NKX2-5: variants seen among roughly 807,000 people sequenced by gnomAD.
NKX2-5 encodes the protein homeobox protein Nkx-2.5.
In NKX2-5, 3 loss-of-function variants were observed where a neutral mutation model predicts 24.5. The ratio of observed to expected loss-of-function variants is 0.12; its 90% CI spans 0.06 to 0.32. NKX2-5 has a LOEUF of 0.32. Among genes scored for constraint, NKX2-5 ranks in the 10% least tolerant of loss-of-function variants. The pLI is 1.00. For missense variants in NKX2-5, 429 were observed against 452.4 expected, an observed-to-expected ratio of 0.95 and a Z score of 0.47; for synonymous variants, 215 against 217.6, an observed-to-expected ratio of 0.99 and a Z score of 0.11.
At chr5:173,234,638 GC>G in intron 1 of NKX2-5, 111 bp downstream of exon 1, 5 of 968,418 alleles carry the variant, frequency 5.2e-6, no homozygotes, top group Non-Finnish European at 7.2e-6. Context: ...TGAACCCCCC[GC>G]CGCAGCCCAG....
chr5:173,233,895 C>CCTTCGCCCAGCG (rs918454762), intron 1 of NKX2-5: 18 of 985,350 alleles, frequency 1.8e-5, no homozygotes, highest in Non-Finnish European at 2.2e-5. Flanking sequence ...TGGCAGCGGC[C>CCTTCGCCCAGCG]CTTCGCCCAG....
Position 173,234,764 on chromosome 5 carries a change from C to A in NKX2-5, c.320G>T (p.Arg107Ile). 1 of 1,546,342 alleles carries A rather than the reference C, an allele frequency of 6.5e-7. No homozygotes were observed. The highest frequency in any genetic ancestry group is 8.7e-7 in the Non-Finnish European group (1 of 1,149,520). Residue 107 changes from arginine to isoleucine, a missense_variant, in exon 1 of 2, where the codon AGA (arginine) becomes ATA (isoleucine). Coordinates refer to ENST00000329198, the MANE Select transcript of NKX2-5 (RefSeq NM_004387.4). Reference protein sequence around the residue: ...YSDPDPAKDPRAEKKELCALQ... With the variant: ...YSDPDPAKDPIAEKKELCALQ... ...TTCCTCCTCACCTTTCTTTTCGGCT[C>A]TAGGGTCCTTGGCTGGGTCGGGGTC... is the stretch of plus-strand genomic sequence containing the variant.
intron 1 of NKX2-5, chr5:173,233,538 A>AAAAAAAAAAAAAC: frequency 1.1e-6 from 1 of 948,630 alleles, no homozygotes; most frequent in Non-Finnish European, 1.6e-6. Context: ...AAAATAAAAA[A>AAAAAAAAAAAAAC]ATAAAAATAA....
Position 173,232,741 on chromosome 5 carries a change from T to C in NKX2-5, c.803A>G (p.Tyr268Cys). The C allele has an allele frequency of 1.9e-6, 3 of 1,605,314 alleles. No individual in the cohort carries two copies. The highest frequency in any genetic ancestry group is 2.6e-6 in the Non-Finnish European group (3 of 1,175,874). The part of the protein sequence containing the change: ...GYGGAACSPG[Y>C]SCTAAYPAGP... ...GGCGGGGTAAGCGGCAGTGCAGCTG[T>C]AGCCAGGGCTGCAGGCCGCGCCGCC... is the stretch of plus-strand genomic sequence containing the variant. The change falls in exon 2 of 2, where the codon TAC (tyrosine) becomes TGC (cysteine). Residue 268 changes from tyrosine to cysteine, a missense_variant. Physicochemically the swap from Tyr to Cys is radical, Grantham distance 194. This residue lies in a region of NKX2-5 where 183 missense variants were observed against 185.9 expected (regional missense o/e 0.98). Transcript: ENST00000329198. This position sits in a 1 kb window ranked among gnomAD's most constrained non-coding sequence, Gnocchi z 5.9.
chr5:173,232,424 G>C lies in NKX2-5; in HGVS notation c.*145C>G. On this transcript the variant is annotated 3_prime_UTR_variant, in exon 2 of 2. Coordinates refer to ENST00000329198, the MANE Select transcript of NKX2-5 (RefSeq NM_004387.4). The surrounding 1 kb of genome is among the most constrained non-coding windows in gnomAD (Gnocchi z 5.9). The stretch of plus-strand genomic sequence containing the variant: ...CCCGTGCGCAAGAACAAACGCGCGT[G>C]GGACAGAAAAAGTTCCTAGGTCTCC... 7.0e-7 allele frequency: 1 copy of C among 1,431,906 alleles called. No homozygotes were observed. Among genetic ancestry groups the C allele is most frequent in the Non-Finnish European group, 9.3e-7 (1 of 1,069,658 alleles). The allele number at this position is 1,431,906 out of a possible 1,614,324, so 88.7% of individuals were successfully genotyped here. A position where few individuals can be genotyped will look rare whatever the true frequency, so the allele number is the denominator to read the frequency against.
chr5:173,233,090 C>G lies in NKX2-5; in HGVS notation c.454G>C (p.Glu152Gln). 1 of 1,600,464 alleles carries G rather than the reference C, an allele frequency of 6.2e-7. No individual in the cohort carries two copies. Among genetic ancestry groups the G allele is most frequent in the Non-Finnish European group, 8.5e-7 (1 of 1,174,296 alleles). Residue 152 changes from glutamate (E) to glutamine (Q), a missense_variant, in exon 2 of 2, where the codon GAG becomes CAG. By Grantham distance (29) the Glu-to-Gln change is conservative (BLOSUM62 2). Coordinates refer to ENST00000329198, the MANE Select transcript of NKX2-5 (RefSeq NM_004387.4). ...TGCTGCTTGAAGCGCCGCTCCAGCT[C>G]ATAGACCTGCGCCTGCGAGAAGAGC... Reference protein sequence around the residue: ...RVLFSQAQVYELERRFKQQRY... With the variant: ...RVLFSQAQVYQLERRFKQQRY...
chr5:173,234,512 G>C (rs914409194), intron 1 of NKX2-5, among the ~76,000 whole-genome samples: 42 of 152,262 alleles, frequency 2.8e-4, no homozygotes, highest in Middle Eastern at 3.4e-3. Context: ...TGTTAGGCCG[G>C]GGGGAAACGT....
intron 1 of NKX2-5, chr5:173,234,143 G>GA (rs1761406700): frequency 1.6e-6 from 2 of 1,288,334 alleles, no homozygotes. Flanking sequence ...AAGTTGTGCT[G>GA]AAAAAATAAA....
At position 173,232,791 on chromosome 5, in the gene NKX2-5, G is replaced by A; in HGVS notation, c.753C>T (p.Asn251=). The change falls in exon 2 of 2, where the codon AAC becomes AAT. Residue 251 remains asparagine, a synonymous_variant. Transcript: ENST00000329198. The surrounding 1 kb of genome is among the most constrained non-coding windows in gnomAD (Gnocchi z 5.9). ...YGVGLNPYGY[N]AYPAYPGYGG... ...CGTAACCCGGATAGGCGGGGTAGGC[G>A]TTATAACCGTAGGGATTGAGGCCCA... 1 of 1,611,504 alleles carries A rather than the reference G, an allele frequency of 6.2e-7. No individual in the cohort carries two copies. Among genetic ancestry groups the A allele is most frequent in the South Asian group, 1.1e-5 (1 of 90,992 alleles).
Position 173,232,254 on chromosome 5 carries a change from A to C in NKX2-5, c.*315T>G, listed in dbSNP as rs1165362933. 1 of 403,686 alleles carries C rather than the reference A, an allele frequency of 2.5e-6. No homozygotes were observed. Among genetic ancestry groups the C allele is most frequent in the African/African-American group, 2.1e-5 (1 of 48,298 alleles). The allele number at this position is 403,686 out of a possible 1,614,324, so 25.0% of individuals were successfully genotyped here. On this transcript the variant is annotated 3_prime_UTR_variant, in exon 2 of 2. Transcript: ENST00000329198. This position sits in a 1 kb window ranked among gnomAD's most constrained non-coding sequence, Gnocchi z 5.9. ...CCTGGCTCGCGGAATGGGCGGCCAG[A>C]TCTCAGGCCCTGCGTGCCCGAGCTC...
At position 173,235,010 on chromosome 5, in the gene NKX2-5, C is replaced by A. The variant is rs762957966; in HGVS notation, c.74G>T (p.Arg25Leu). 1 of 1,612,224 alleles carries A rather than the reference C, an allele frequency of 6.2e-7. No individual in the cohort carries two copies. The highest frequency in any genetic ancestry group is 1.7e-5 in the Admixed American group (1 of 59,996). The change falls in exon 1 of 2, where the codon CGC becomes CTC. Residue 25 changes from arginine (R) to leucine (L), a missense_variant. Physicochemically the swap from Arg to Leu is moderately radical, Grantham distance 102 (BLOSUM62 -2). Coordinates refer to ENST00000329198, the MANE Select transcript of NKX2-5 (RefSeq NM_004387.4). The stretch of plus-strand genomic sequence containing the variant: ...GAGCTCTCCGGCGGCAGCCAGGCTG[C>A]GCTGCTGCTGTTCCAGGTTTAGGAT... ...KDILNLEQQQ[R>L]SLAAAGELSA...
At chr5:173,234,414 T>A (rs1255245655) in intron 1 of NKX2-5, 16 of 710,858 alleles carry the variant, frequency 2.3e-5, no homozygotes, top group Non-Finnish European at 2.1e-5. Flanking sequence ...ACAGAGATTA[T>A]CTGCTTGTCT....
At position 173,232,496 on chromosome 5, in the gene NKX2-5, C is replaced by A; in HGVS notation, c.*73G>T. On this transcript the variant is annotated 3_prime_UTR_variant, in exon 2 of 2. Coordinates refer to ENST00000329198, the MANE Select transcript of NKX2-5 (RefSeq NM_004387.4). This position sits in a 1 kb window ranked among gnomAD's most constrained non-coding sequence, Gnocchi z 5.9. ...AGGGGACTCAGGGTCATGTTGGGAG[C>A]CCCTTCTCCCCCCGAGAGTCAGGGA... The A allele has an allele frequency of 6.3e-7, 1 of 1,579,768 alleles. No individual in the cohort carries two copies. Among genetic ancestry groups the A allele is most frequent in the Non-Finnish European group, 8.5e-7 (1 of 1,170,480 alleles).
In NKX2-5 at chr5:173,233,188, G is replaced by T. The variant is rs369025518; in HGVS notation, c.356C>A (p.Ala119Glu). ...CGCCTCTGTCTTCTCCAGCTCCACC[G>T]CCTTCTGCAGCGCGCACAGCTCTGA... ...EKKELCALQKAVELEKTEADN... is the reference protein window; with the variant it reads ...EKKELCALQKEVELEKTEADN... The change falls in exon 2 of 2, where the codon GCG becomes GAG. Residue 119 changes from alanine to glutamate, a missense_variant. Ala to Glu is a moderately radical substitution (Grantham distance 107). Around this residue, in one of 3 missense-constraint regions of NKX2-5, gnomAD observed 240 missense variants for 240.4 expected, o/e 1.00. Transcript: ENST00000329198. 8 of 1,600,922 alleles carry T rather than the reference G, an allele frequency of 5.0e-6. No homozygotes were observed. Among genetic ancestry groups the T allele is most frequent in the African/African-American group, 1.3e-5 (1 of 74,912 alleles).
chr5:173,234,247 C>T, intron 1 of NKX2-5: 1 of 1,211,060 alleles, frequency 8.3e-7, no homozygotes, highest in Non-Finnish European at 1.1e-6. Context: ...GAAAGAAAGG[C>T]ACCAGAAACC....
Position 173,235,141 on chromosome 5 carries a change from G to A in NKX2-5, c.-58C>T. On this transcript the variant is annotated 5_prime_UTR_variant, in exon 1 of 2. Coordinates refer to ENST00000329198, the MANE Select transcript of NKX2-5 (RefSeq NM_004387.4). ...GCGGCAGAAAGCGGCGCTGCCCACG[G>A]CCCCTGGCAGCTTCCCTGCATGGTG... The A allele has an allele frequency of 2.0e-6, 3 of 1,517,772 alleles. No homozygotes were observed. Among genetic ancestry groups the A allele is most frequent in the African/African-American group, 1.4e-5 (1 of 70,910 alleles). 94.0% of individuals were successfully genotyped at this position (1,517,772 alleles called of 1,614,324 possible).
chr5:173,233,321 G>A (rs1581109146), intron 1 of NKX2-5, 112 bp from the exon 2 acceptor site: 1 of 1,538,330 alleles, frequency 6.5e-7, no homozygotes, highest in East Asian at 2.4e-5. Context: ...TGTCCTGCCT[G>A]GAGCGCCCAG....
At chr5:173,233,805 G>T (rs1761395917) in intron 1 of NKX2-5, 2 of 978,078 alleles carry the variant, frequency 2.0e-6, no homozygotes, top group Non-Finnish European at 2.4e-6. Context: ...AATTGGTAGC[G>T]ATCAGTTCTA....
intron 1 of NKX2-5, chr5:173,233,809 A>C: frequency 1.0e-6 from 1 of 979,904 alleles, no homozygotes; most frequent in Non-Finnish European, 1.2e-6. Flanking sequence ...GGTAGCGATC[A>C]GTTCTAGCCG....
Sources: allele counts gnomAD v4.1 joint callset (sites outside exome capture counted in the v4.1 genomes callset), GRCh38; gene constraint gnomAD v4.1.1; regional missense constraint gnomAD v4.1.1; non-coding constraint Gnocchi (gnomAD v3.1); transcripts MANE v1.5; gene names NCBI Gene and HGNC (gene_info 2026-07-23, HGNC 2026-07-21).